Variants in UBR1 observed in about 807,000 individuals in gnomAD.
The protein encoded by UBR1 is ubiquitin protein ligase E3 component n-recognin 1, also known as E3 ubiquitin-protein ligase UBR1.
UBR1 carries 102 observed loss-of-function variants against 242.1 expected under a neutral mutation model. The ratio of observed to expected loss-of-function variants is 0.42; its 90% CI spans 0.36 to 0.50. The LOEUF (loss-of-function observed/expected upper bound fraction) is 0.50, where lower values mean the gene tolerates loss of function less well. UBR1 is among the 20% of genes least tolerant of loss of function. The probability of loss-of-function intolerance (pLI) is 0.01; values close to 1 mark genes in which losing one functional copy is unlikely to be tolerated. For missense variants in UBR1, 1,772 were observed against 2,101.8 expected (o/e 0.84, Z 3.07); for synonymous variants, 675 against 684.8 (o/e 0.99, Z 0.22).
intron 29 of UBR1, among the ~76,000 whole-genome samples, chr15:43,012,642 C>T (rs2032940408): frequency 1.3e-5 from 2 of 152,168 alleles, no homozygotes; most frequent in Admixed American, 6.5e-5. Flanking sequence ...TCAGTAGTTT[C>T]TTTCTCACTA....
chr15:43,039,642 C>G (rs1437385445), intron 15 of UBR1, among the ~76,000 whole-genome samples: 1 of 152,154 alleles, frequency 6.6e-6, no homozygotes. Context: ...ACTTTGACTT[C>G]CTCTTTTCCT....
At chr15:42,959,964 A>C (rs899171220) in intron 43 of UBR1, among the ~76,000 whole-genome samples, 3 of 152,196 alleles carry the variant, frequency 2.0e-5, no homozygotes, top group Non-Finnish European at 4.4e-5. Flanking sequence ...ACTTGTTTAT[A>C]GATGTGATTC....
chr15:42,962,517 T>C (rs1195381341), intron 42 of UBR1, among the ~76,000 whole-genome samples: 2 of 150,754 alleles, frequency 1.3e-5, no homozygotes, highest in African/African-American at 4.9e-5. Context: ...GGAGATGGAG[T>C]CTTGCTCCAT....
At chr15:43,050,364 C>T (rs2033539019) in intron 12 of UBR1, among the ~76,000 whole-genome samples, 1 of 151,988 alleles carries the variant, frequency 6.6e-6, no homozygotes, top group African/African-American at 2.4e-5. Flanking sequence ...CTGACAAAGT[C>T]CTAATAGCCA....
intron 33 of UBR1, among the ~76,000 whole-genome samples, chr15:42,991,843 C>T (rs1045623165): frequency 3.9e-5 from 6 of 151,990 alleles, no homozygotes; most frequent in South Asian, 2.1e-4. Context: ...TGGGCTCAAG[C>T]GATCCTCTCC....
At chr15:43,052,672 G>C (rs897763066) in intron 12 of UBR1, among the ~76,000 whole-genome samples, 1 of 152,180 alleles carries the variant, frequency 6.6e-6, no homozygotes, top group African/African-American at 2.4e-5. Flanking sequence ...GGTTTCAGGG[G>C]AAATTAGTAA....
At chr15:42,957,438 TTG>T (rs796657483) in intron 44 of UBR1, among the ~76,000 whole-genome samples, 3 of 152,316 alleles carry the variant, frequency 2.0e-5, no homozygotes, top group African/African-American at 7.2e-5. Flanking sequence ...GAGGTGGTGA[TTG>T]TACAACATTT....
In UBR1 at chr15:43,032,786, T is replaced by C. The variant is rs150828320; in HGVS notation, c.2191-155A>G. ...GTGTGCACAGCACAAATAGTTACAA[T>C]AGTTCCCTTTTTTGACATCAAATTC... On this transcript the variant is annotated intron_variant, in intron 19 of 46. Coordinates refer to ENST00000290650, the MANE Select transcript of UBR1 (RefSeq NM_174916.3). Among the ~76,000 whole-genome samples, 153 of 152,338 alleles carry C rather than the reference T, an allele frequency of 1.0e-3. 1 individual carries two copies. The highest frequency in any genetic ancestry group is 3.6e-3 in the African/African-American group (151 of 41,568).
At chr15:43,037,647 G>A (rs192740942) in intron 17 of UBR1, 126 bp downstream of exon 17, 44 of 777,092 alleles carry the variant, frequency 5.7e-5, no homozygotes, top group African/African-American at 5.0e-4. Flanking sequence ...TTCATTTCTA[G>A]GAGTTTATAC....
At chr15:43,079,635 A>C (rs1177501689) in intron 3 of UBR1, among the ~76,000 whole-genome samples, 1 of 152,114 alleles carries the variant, frequency 6.6e-6, no homozygotes, top group Non-Finnish European at 1.5e-5. Context: ...AAAAAAAATT[A>C]GCCGGGTATG....
At chr15:43,015,555 T>C in intron 29 of UBR1, 133 bp downstream of exon 29, 1 of 1,003,548 alleles carries the variant, frequency 1.0e-6, no homozygotes, top group South Asian at 1.3e-5. Context: ...CTTTGTTCAC[T>C]TGTTTATCTG....
intron 23 of UBR1, 135 bp downstream of exon 23, chr15:43,026,426 T>C: frequency 1.5e-6 from 1 of 685,620 alleles, no homozygotes; most frequent in East Asian, 2.8e-5. Context: ...TGATTCAATT[T>C]TAATTCTTGG....
At chr15:42,989,488 GGATA>G (rs1291266080) in intron 34 of UBR1, among the ~76,000 whole-genome samples, 1 of 152,064 alleles carries the variant, frequency 6.6e-6, no homozygotes, top group Non-Finnish European at 1.5e-5. Context: ...AGTAGCAATG[GGATA>G]GATAAACAAG....
At chr15:42,987,666 T>C (rs1408372242) in intron 35 of UBR1, among the ~76,000 whole-genome samples, 1 of 147,076 alleles carries the variant, frequency 6.8e-6, no homozygotes, top group African/African-American at 2.6e-5. Flanking sequence ...GTGGCCGAGA[T>C]TGTGCCACTG....
chr15:43,074,383 TTATC>T (rs904542820), intron 4 of UBR1, among the ~76,000 whole-genome samples: 1 of 152,188 alleles, frequency 6.6e-6, no homozygotes, highest in African/African-American at 2.4e-5. Flanking sequence ...TATGCTACTC[TTATC>T]TATTAATAAT....
At chr15:42,960,538 C>T in intron 43 of UBR1, 107 bp downstream of exon 43, 1 of 1,125,832 alleles carries the variant, frequency 8.9e-7, no homozygotes, top group South Asian at 1.3e-5. Context: ...GAACACTGTA[C>T]TGAGTGAGAA....
chr15:43,075,084 A>C lies in UBR1; in HGVS notation c.423T>G (p.His141Gln). Residue 141 changes from histidine to glutamine, a missense_variant, in exon 4 of 47, where the codon CAT (histidine) becomes CAG (glutamine). Transcript: ENST00000290650. ...SVHKNHRYKM[H>Q]TSTGGGFCDC... Reference sequence around the variant, plus strand: ...CACAGAACCCTCCTCCAGTAGAAGTATGCATCTGATAAAGGAAAAATGAGT... The same window carrying C: ...CACAGAACCCTCCTCCAGTAGAAGTCTGCATCTGATAAAGGAAAAATGAGT... 6.2e-7 allele frequency: 1 copy of C among 1,611,658 alleles called. No homozygotes were observed. Among genetic ancestry groups the C allele is most frequent in the Non-Finnish European group, 8.5e-7 (1 of 1,177,754 alleles).
rs779793739 is a variant in UBR1, at chr15:43,038,158, T to C, written c.1911+13A>G. 1 of 1,613,450 alleles carries C rather than the reference T, an allele frequency of 6.2e-7. No individual in the cohort carries two copies. Among genetic ancestry groups the C allele is most frequent in the Non-Finnish European group, 8.5e-7 (1 of 1,179,442 alleles). On this transcript the variant is annotated intron_variant, in intron 16 of 46. Transcript: ENST00000290650. Reference sequence around the variant, plus strand: ...AGAATATAAGCAAATCAATACTTAGTAGAATCACTTACAAAAGACACAAAT... The same window carrying C: ...AGAATATAAGCAAATCAATACTTAGCAGAATCACTTACAAAAGACACAAAT...
intron 39 of UBR1, among the ~76,000 whole-genome samples, chr15:42,973,996 C>T (rs2032248557): frequency 6.7e-6 from 1 of 148,210 alleles, no homozygotes; most frequent in Admixed American, 6.9e-5. Context: ...TCACGCCATT[C>T]TCCTGCCTCA....
Sources: gnomAD v4.1 joint callset for allele counts (sites outside exome capture counted in the v4.1 genomes callset) on GRCh38, gnomAD v4.1.1 for gene constraint, MANE v1.5 for transcripts, NCBI Gene and HGNC (gene_info 2026-07-23, HGNC 2026-07-21) for gene names.